Variants in PTCHD4 observed in about 807,000 individuals in gnomAD.
PTCHD4 encodes the protein patched domain containing 4, also known as patched domain-containing protein 4.
In PTCHD4, 33 loss-of-function variants were observed where a neutral mutation model predicts 58.1. That is an observed-to-expected ratio of 0.57 (90% confidence interval 0.43 to 0.76). PTCHD4 has a LOEUF of 0.76. Ranked by LOEUF, PTCHD4 falls within the 30% of genes least tolerant of loss-of-function variation. The probability of loss-of-function intolerance (pLI) is 0.00; values close to 1 mark genes in which losing one functional copy is unlikely to be tolerated. For synonymous variants in PTCHD4, 478 were observed against 409.6 expected, an observed-to-expected ratio of 1.17 and a Z score of -2.02; for missense variants, 1,058 against 1,027.1, an observed-to-expected ratio of 1.03 and a Z score of -0.41.
intron 4 of PTCHD4, among the ~76,000 whole-genome samples, chr6:47,976,594 A>C (rs1446449409): frequency 1.3e-5 from 2 of 151,796 alleles, no homozygotes; most frequent in Non-Finnish European, 2.9e-5. Context: ...GCAGAGGTTG[A>C]AGTGAGCCAA....
intron 1 of PTCHD4, among the ~76,000 whole-genome samples, chr6:48,096,631 T>G (rs1322574769): frequency 2.2e-5 from 3 of 137,162 alleles, no homozygotes; most frequent in Non-Finnish European, 4.8e-5. Flanking sequence ...AAAAAAGAAA[T>G]AAAGAAATTC....
chr6:48,079,117 C>CAA lies in PTCHD4; in HGVS notation c.-969-9193_-969-9192dup, dbSNP rs398001467. 2.0e-3 allele frequency among the ~76,000 whole-genome samples: 147 copies of CAA among 73,124 alleles called. 4 individuals carry two copies. The highest frequency in any genetic ancestry group is 9.6e-3 in the East Asian group (24 of 2,494). 48.0% of individuals were successfully genotyped at this position (73,124 alleles called of 152,430 possible). A position where few individuals can be genotyped will look rare whatever the true frequency, so the allele number is the denominator to read the frequency against. On this transcript the variant is annotated intron_variant, in intron 1 of 4. Transcript: ENST00000339488. Reference sequence around the variant, plus strand: ...TGGGCAACAGAGCGAAATTCCATCACAAAAAAAAAAAAAAAAAAGAAATTG... The same window carrying CAA: ...TGGGCAACAGAGCGAAATTCCATCACAAAAAAAAAAAAAAAAAAAAGAAATTG...
rs1284604748 is a variant in PTCHD4 at position 47,861,204 on chromosome 6, C to T, written c.*17099G>A. ...TAGTCCTGATTTTTCTTTAGGCCAT[C>T]CTTCTAAATATGTCTTAGTCATTGC... On this transcript the variant is annotated 3_prime_UTR_variant, in exon 5 of 5. Coordinates refer to ENST00000339488, the MANE Select transcript of PTCHD4 (RefSeq NM_001384253.1). Among the ~76,000 whole-genome samples the T allele has an allele frequency of 6.6e-6, 1 of 151,904 alleles. No individual in the cohort carries two copies. The highest frequency in any genetic ancestry group is 1.5e-5 in the Non-Finnish European group (1 of 67,892).
At chr6:48,054,551 C>T (rs998398296) in intron 3 of PTCHD4, among the ~76,000 whole-genome samples, 1 of 152,132 alleles carries the variant, frequency 6.6e-6, no homozygotes, top group African/African-American at 2.4e-5. Flanking sequence ...GAAGGTTTTA[C>T]TTTCTTCCTT....
intron 3 of PTCHD4, among the ~76,000 whole-genome samples, chr6:48,045,053 C>T (rs148666424): frequency 0.014 from 2,070 of 151,838 alleles, 45 homozygotes; most frequent in South Asian, 0.045. Context: ...TATGACAGCC[C>T]TTCCATCTCT....
chr6:47,895,187 C>A (rs2114134522), intron 4 of PTCHD4, among the ~76,000 whole-genome samples: 1 of 152,058 alleles, frequency 6.6e-6, no homozygotes, highest in South Asian at 2.1e-4. Context: ...AAGACCCATG[C>A]AGACAGCTAA....
In PTCHD4 at chr6:48,020,158, T is replaced by C. The variant is rs114690971; in HGVS notation, c.418-11044A>G. The stretch of plus-strand genomic sequence containing the variant: ...CAATGTGAAAAATGAACTCCAGGTA[T>C]GCCTTGGGGATGGCTATGAGCACTA... On this transcript the variant is annotated intron_variant, in intron 3 of 4. Coordinates refer to ENST00000339488, the MANE Select transcript of PTCHD4 (RefSeq NM_001384253.1). Among the ~76,000 whole-genome samples, 879 of 152,280 alleles carry C rather than the reference T, an allele frequency of 5.8e-3. 9 individuals are homozygous for C. The highest frequency in any genetic ancestry group is 0.02 in the African/African-American group (818 of 41,570).
chr6:47,928,497 A>G (rs975842071), intron 4 of PTCHD4, among the ~76,000 whole-genome samples: 1 of 152,238 alleles, frequency 6.6e-6, no homozygotes, highest in African/African-American at 2.4e-5. Context: ...TTTAGTCTTC[A>G]GTGATTTTTA....
At chr6:47,969,548 G>A (rs1349044093) in intron 4 of PTCHD4, among the ~76,000 whole-genome samples, 3 of 151,984 alleles carry the variant, frequency 2.0e-5, no homozygotes, top group Admixed American at 6.6e-5. Context: ...TCAATAATGA[G>A]TAAACTTAAA....
At chr6:47,937,591 T>C (rs1561966872) in intron 4 of PTCHD4, among the ~76,000 whole-genome samples, 1 of 152,188 alleles carries the variant, frequency 6.6e-6, no homozygotes, top group Non-Finnish European at 1.5e-5. Context: ...ATTAGGTCTA[T>C]GAGCATCAGG....
At chr6:47,966,127 G>C (rs939527992) in intron 4 of PTCHD4, among the ~76,000 whole-genome samples, 16 of 152,144 alleles carry the variant, frequency 1.1e-4, no homozygotes, top group Non-Finnish European at 1.9e-4. Context: ...AGAAATGTTT[G>C]GCTCTGTTTA....
intron 4 of PTCHD4, among the ~76,000 whole-genome samples, chr6:47,923,191 T>G (rs924462095): frequency 1.3e-5 from 2 of 152,198 alleles, no homozygotes; most frequent in African/African-American, 4.8e-5. Flanking sequence ...TTTAAAAATA[T>G]TCTTCAAATT....
rs1026612487 is a variant in PTCHD4, at chr6:47,863,416, C to T, written c.*14887G>A. Among the ~76,000 whole-genome samples the T allele has an allele frequency of 6.6e-6, 1 of 151,796 alleles. No individual in the cohort carries two copies. The highest frequency in any genetic ancestry group is 1.5e-5 in the Non-Finnish European group (1 of 67,884). The stretch of plus-strand genomic sequence containing the variant: ...AAAATAGTACTTTACTATTATTTGG[C>T]CTAATAATATAATAGTGTTTCAGCC... On this transcript the variant is annotated 3_prime_UTR_variant, in exon 5 of 5. Coordinates refer to ENST00000339488, the MANE Select transcript of PTCHD4 (RefSeq NM_001384253.1).
chr6:48,076,460 C>T (rs183499256), intron 1 of PTCHD4, among the ~76,000 whole-genome samples: 10 of 152,320 alleles, frequency 6.6e-5, no homozygotes, highest in Non-Finnish European at 1.3e-4. Context: ...TGCCCAGATT[C>T]ATCAGAGGAA....
chr6:47,894,821 G>A (rs1191737834), intron 4 of PTCHD4, among the ~76,000 whole-genome samples: 1 of 152,144 alleles, frequency 6.6e-6, no homozygotes, highest in African/African-American at 2.4e-5. Flanking sequence ...TTTGCATTAG[G>A]CAAAGATTCA....
chr6:48,056,909 A>C (rs1211835492), intron 3 of PTCHD4, among the ~76,000 whole-genome samples: 1 of 152,234 alleles, frequency 6.6e-6, no homozygotes, highest in Non-Finnish European at 1.5e-5. Flanking sequence ...TTTTTGTCAG[A>C]TCAAATATAG....
At chr6:47,950,929 TG>T (rs1202552559) in intron 4 of PTCHD4, among the ~76,000 whole-genome samples, 1 of 152,108 alleles carries the variant, frequency 6.6e-6, no homozygotes, top group Non-Finnish European at 1.5e-5. Flanking sequence ...ATAGTCAATG[TG>T]TCAATTGATG....
At position 47,867,181 on chromosome 6, in the gene PTCHD4, C is replaced by T. The variant is rs1763589266; in HGVS notation, c.*11122G>A. 6.6e-6 allele frequency among the ~76,000 whole-genome samples: 1 copy of T among 151,658 alleles called. No homozygotes were observed. The highest frequency in any genetic ancestry group is 1.5e-5 in the Non-Finnish European group (1 of 67,812). ...GTTAATTGGAGTGTATTAGTTTGAG[C>T]TGTTTGTTCTGGAGAGTTTGGGTTC... is the stretch of plus-strand genomic sequence containing the variant. On this transcript the variant is annotated 3_prime_UTR_variant, in exon 5 of 5. Coordinates refer to ENST00000339488, the MANE Select transcript of PTCHD4 (RefSeq NM_001384253.1).
intron 3 of PTCHD4, among the ~76,000 whole-genome samples, chr6:48,044,198 G>T (rs934808326): frequency 6.6e-6 from 1 of 151,836 alleles, no homozygotes; most frequent in Non-Finnish European, 1.5e-5. Context: ...GAAAGAGGAA[G>T]AATCTGACAT....
Sources: gnomAD v4.1 joint callset for allele counts (sites outside exome capture counted in the v4.1 genomes callset) on GRCh38, gnomAD v4.1.1 for gene constraint, MANE v1.5 for transcripts, NCBI Gene and HGNC (gene_info 2026-07-23, HGNC 2026-07-21) for gene names.